CLHC1: variants seen among roughly 807,000 people sequenced by gnomAD.
CLHC1 encodes the protein clathrin heavy chain linker domain-containing protein 1.
Under a neutral mutation model 69.5 loss-of-function variants are expected in CLHC1, and 72 were observed. The ratio of observed to expected loss-of-function variants is 1.04; its 90% CI spans 0.86 to 1.26. The LOEUF (loss-of-function observed/expected upper bound fraction) is 1.26, where lower values mean the gene tolerates loss of function less well. CLHC1 is among the 50% of genes most tolerant of loss of function. The probability of loss-of-function intolerance (pLI) is 0.00; values close to 1 mark genes in which losing one functional copy is unlikely to be tolerated. For synonymous variants in CLHC1, 223 were observed against 224.3 expected (o/e 0.99, Z 0.05); for missense variants, 790 against 679.3 (o/e 1.16, Z -1.81).
chr2:55,222,707 G>C (rs530959536), intron 2 of CLHC1, among the ~76,000 whole-genome samples: 8 of 151,674 alleles, frequency 5.3e-5, no homozygotes, highest in Admixed American at 5.3e-4. Context: ...ATCATCTGAG[G>C]TCCGGGAGTT....
intron 9 of CLHC1, among the ~76,000 whole-genome samples, chr2:55,186,802 AG>A (rs1044667249): frequency 6.6e-6 from 1 of 152,160 alleles, no homozygotes; most frequent in African/African-American, 2.4e-5. Context: ...TAAAATTATT[AG>A]AAATATTAAA....
chr2:55,222,151 G>A (rs1043874403), intron 3 of CLHC1, 84 bp downstream of exon 3: 24 of 908,242 alleles, frequency 2.6e-5, no homozygotes, highest in Non-Finnish European at 4.0e-5. Flanking sequence ...AAACAGTGGT[G>A]TTACTAAGGC....
chr2:55,206,376 C>A lies in CLHC1; in HGVS notation c.900G>T (p.Arg300Ser), dbSNP rs769141377. The A allele has an allele frequency of 1.1e-5, 17 of 1,546,150 alleles. No individual in the cohort carries two copies. The highest frequency in any genetic ancestry group is 2.2e-5 in the East Asian group (1 of 44,462). ...EAEIMLHYIERFNELISLGEY... is the reference protein window; with the variant it reads ...EAEIMLHYIESFNELISLGEY... ...CACCAAGTGAGATTAACTCATTAAA[C>A]CTATAGCCATCACATTTTAAAATGC... The change falls in exon 9 of 13, where the codon AGG (arginine) becomes AGT (serine). Residue 300 changes from arginine to serine, a missense_variant and splice_region_variant. Physicochemically the swap from Arg to Ser is moderately radical, Grantham distance 110. Transcript: ENST00000401408.
At chr2:55,212,086 G>C (rs569405275) in intron 5 of CLHC1, among the ~76,000 whole-genome samples, 3 of 152,254 alleles carry the variant, frequency 2.0e-5, no homozygotes, top group Non-Finnish European at 4.4e-5. Flanking sequence ...AGACCAGCGT[G>C]GACAACATGA....
Position 55,174,741 on chromosome 2 carries a change from T to C in CLHC1, c.*1049A>G, listed in dbSNP as rs1669235606. 1 of 152,242 alleles carries C rather than the reference T, an allele frequency of 6.6e-6. No homozygotes were observed. Among genetic ancestry groups the C allele is most frequent in the South Asian group, 2.1e-4 (1 of 4,836 alleles). 9.4% of individuals were successfully genotyped at this position (152,242 alleles called of 1,614,324 possible). On this transcript the variant is annotated 3_prime_UTR_variant, in exon 13 of 13. Transcript: ENST00000401408. ...AAAGTTATGCTCTTTGCTCTTATTCTAATAGCAGATCATTTTCATTTTTTA... is the reference window on the plus strand; with the variant it reads ...AAAGTTATGCTCTTTGCTCTTATTCCAATAGCAGATCATTTTCATTTTTTA...
intron 3 of CLHC1, among the ~76,000 whole-genome samples, chr2:55,221,005 G>A (rs1051980149): frequency 3.3e-5 from 5 of 152,104 alleles, no homozygotes; most frequent in Non-Finnish European, 5.9e-5. Flanking sequence ...CTATGAATAC[G>A]TATCAACTTT....
In CLHC1 at chr2:55,209,843, G is replaced by A; in HGVS notation, c.500-12C>T. 3 of 1,576,382 alleles carry A rather than the reference G, an allele frequency of 1.9e-6. 1 individual carries two copies. Among genetic ancestry groups the A allele is most frequent in the Non-Finnish European group, 2.6e-6 (3 of 1,150,808 alleles). ...TTGAAGAGTCATGCCTATGGGGAAAGGGAACAAATCAAACACGACAAGCCA... is the reference window on the plus strand; with the variant it reads ...TTGAAGAGTCATGCCTATGGGGAAAAGGAACAAATCAAACACGACAAGCCA... On this transcript the variant is annotated splice_polypyrimidine_tract_variant and intron_variant, in intron 5 of 12. Coordinates refer to ENST00000401408, the MANE Select transcript of CLHC1 (RefSeq NM_152385.4).
At position 55,201,903 on chromosome 2, in the gene CLHC1, G is replaced by C. The variant is rs75296387; in HGVS notation, c.1006+4367C>G. Among the ~76,000 whole-genome samples, 871 of 152,116 alleles carry C rather than the reference G, an allele frequency of 5.7e-3. 60 individuals are homozygous for C. In the East Asian group the frequency reaches 0.14, roughly 25 times the overall value. On this transcript the variant is annotated intron_variant, in intron 9 of 12. Coordinates refer to ENST00000401408, the MANE Select transcript of CLHC1 (RefSeq NM_152385.4). ...TGTATCCTATATCAACAGAATGAAG[G>C]ACAAAAACCATATGATAATTTCAAG...
At chr2:55,218,266 A>G (rs1673775106) in intron 3 of CLHC1, 1 of 232,472 alleles carries the variant, frequency 4.3e-6, no homozygotes, top group Non-Finnish European at 8.2e-6. Flanking sequence ...GTATGAACAC[A>G]TGCATTATAT....
At chr2:55,179,349 T>C (rs1362950752) in intron 11 of CLHC1, among the ~76,000 whole-genome samples, 1 of 151,500 alleles carries the variant, frequency 6.6e-6, no homozygotes, top group African/African-American at 2.4e-5. Context: ...AAAACCTACC[T>C]CATAGAGTCA....
intron 1 of CLHC1, among the ~76,000 whole-genome samples, chr2:55,231,147 G>A (rs1209872050): frequency 6.6e-6 from 1 of 152,034 alleles, no homozygotes; most frequent in Non-Finnish European, 1.5e-5. Flanking sequence ...CTACTCGGGA[G>A]GCTGAGGCAG....
intron 4 of CLHC1, 75 bp downstream of exon 4, chr2:55,217,736 G>T: frequency 1.1e-6 from 1 of 884,504 alleles, no homozygotes; most frequent in Non-Finnish European, 1.6e-6. Context: ...AGAACCACCA[G>T]CTAGAGTTAC....
intron 2 of CLHC1, among the ~76,000 whole-genome samples, chr2:55,223,834 C>T (rs1404328997): frequency 2.6e-5 from 4 of 151,962 alleles, no homozygotes; most frequent in African/African-American, 7.3e-5. Context: ...CTCGCTCTGC[C>T]GCCCAGGCTG....
chr2:55,189,417 A>C (rs1670711042), intron 9 of CLHC1, among the ~76,000 whole-genome samples: 1 of 152,222 alleles, frequency 6.6e-6, no homozygotes, highest in Non-Finnish European at 1.5e-5. Context: ...AACCAGATAA[A>C]ATATATAAAA....
In CLHC1 at chr2:55,209,628, A is replaced by G. The variant is rs756509538; in HGVS notation, c.701+2T>C. The G allele has an allele frequency of 6.2e-7, 1 of 1,613,358 alleles. No homozygotes were observed. The highest frequency in any genetic ancestry group is 1.1e-5 in the South Asian group (1 of 90,998). ...TTAAAAACATATAATCAACTTCCAT[A>G]CCAAAACTGCAATTTTTTGTTCAGA... is the stretch of plus-strand genomic sequence containing the variant. On this transcript the variant is annotated splice_donor_variant, in intron 6 of 12. Transcript: ENST00000401408. LOFTEE classifies it high-confidence loss of function.
intron 9 of CLHC1, among the ~76,000 whole-genome samples, chr2:55,202,688 G>C (rs1379938244): frequency 6.6e-6 from 1 of 152,092 alleles, no homozygotes; most frequent in Non-Finnish European, 1.5e-5. Context: ...CTTGAGGTCA[G>C]GAGTTCAAGA....
intron 9 of CLHC1, among the ~76,000 whole-genome samples, chr2:55,190,544 C>T (rs1670828301): frequency 6.6e-6 from 1 of 152,084 alleles, no homozygotes; most frequent in South Asian, 2.1e-4. Context: ...TAAGTAGAGA[C>T]ATGAGCTATA....
intron 3 of CLHC1, 192 bp from the exon 4 acceptor site, chr2:55,218,190 G>A (rs753878578): frequency 1.3e-4 from 50 of 393,626 alleles, no homozygotes; most frequent in Non-Finnish European, 2.1e-4. Flanking sequence ...GCTCTTTGTG[G>A]AACATTACAG....
chr2:55,231,709 T>C (rs1675384476), intron 1 of CLHC1, among the ~76,000 whole-genome samples: 1 of 152,200 alleles, frequency 6.6e-6, no homozygotes, highest in Non-Finnish European at 1.5e-5. Context: ...ATTGGCCTCC[T>C]TGCCGGAAGA....
Sources: allele counts gnomAD v4.1 joint callset (sites outside exome capture counted in the v4.1 genomes callset), GRCh38; gene constraint gnomAD v4.1.1; transcripts MANE v1.5; gene names NCBI Gene and HGNC (gene_info 2026-07-23, HGNC 2026-07-21).